HTR7: variants seen among roughly 807,000 people sequenced by gnomAD.
The protein encoded by HTR7 is 5-hydroxytryptamine receptor 7.
In HTR7, 16 loss-of-function variants were observed where a neutral mutation model predicts 34.0. That is an observed-to-expected ratio of 0.47 (90% CI 0.32 to 0.71). The LOEUF is 0.71. Ranked by LOEUF, HTR7 falls within the 30% of genes least tolerant of loss-of-function variation. The pLI, the probability that HTR7 is intolerant of heterozygous loss-of-function variation, is 0.04. For missense variants in HTR7, 504 were observed against 625.5 expected, an observed-to-expected ratio of 0.81 and a Z score of 2.07; for synonymous variants, 265 against 260.2, an observed-to-expected ratio of 1.02 and a Z score of -0.18.
chr10:90,748,917 A>C lies in HTR7; in HGVS notation c.1217T>G (p.Ile406Ser). 1 of 1,614,174 alleles carries C rather than the reference A, an allele frequency of 6.2e-7. No homozygotes were observed. The highest frequency in any genetic ancestry group is 8.5e-7 in the Non-Finnish European group (1 of 1,180,004). ...GCCTGCAGCTGAGAGCTTCCGGTTG[A>C]TATTCCGGTACTGGCACTGGAGCAG... Reference protein sequence around the residue: ...RSLLQCQYRNINRKLSAAGMH... With the variant: ...RSLLQCQYRNSNRKLSAAGMH... The change falls in exon 2 of 4, where the codon ATC becomes AGC. Residue 406 changes from isoleucine to serine, a missense_variant. Transcript: ENST00000336152.
chr10:90,772,150 G>A (rs1845125064), intron 1 of HTR7, among the ~76,000 whole-genome samples: 1 of 151,902 alleles, frequency 6.6e-6, no homozygotes, highest in Non-Finnish European at 1.5e-5. Flanking sequence ...TAAAACCCTA[G>A]GTCATAGCAG....
chr10:90,813,484 T>C (rs1845850634), intron 1 of HTR7, among the ~76,000 whole-genome samples: 1 of 149,928 alleles, frequency 6.7e-6, no homozygotes, highest in Non-Finnish European at 1.5e-5. Flanking sequence ...ATCATGCCAC[T>C]GCACCCCAGC....
chr10:90,838,978 G>C lies in HTR7; in HGVS notation c.539+18155C>G, dbSNP rs577749069. ...AGAATATAAGATCCTAGAGAGCAAA[G>C]GTGTTATTTGCCTTGCTTATGATAA... is the stretch of plus-strand genomic sequence containing the variant. On this transcript the variant is annotated intron_variant, in intron 1 of 3. Transcript: ENST00000336152. 4.6e-4 allele frequency among the ~76,000 whole-genome samples: 70 copies of C among 152,246 alleles called. No individual in the cohort carries two copies. The South Asian group carries it at 6.4e-3, about 14-fold the overall frequency.
intron 1 of HTR7, among the ~76,000 whole-genome samples, chr10:90,771,544 C>A (rs934941942): frequency 2.0e-5 from 3 of 152,218 alleles, no homozygotes; most frequent in Non-Finnish European, 4.4e-5. Context: ...CTGGGTGCCA[C>A]CACATTCCCC....
In HTR7 at chr10:90,806,329, T is replaced by C. The variant is rs1845705980; in HGVS notation, c.539+50804A>G. 2.0e-5 allele frequency among the ~76,000 whole-genome samples: 3 copies of C among 152,320 alleles called. No homozygotes were observed. The South Asian group carries it at 6.2e-4, about 32-fold the overall frequency. ...GTTCCTAAAGGTAGGCTGGGCGCGG[T>C]GGCTCACGCCTGTAATCCCAACACT... On this transcript the variant is annotated intron_variant, in intron 1 of 3. Transcript: ENST00000336152.
chr10:90,848,417 C>T (rs1846446421), intron 1 of HTR7, among the ~76,000 whole-genome samples: 1 of 152,110 alleles, frequency 6.6e-6, no homozygotes, highest in African/African-American at 2.4e-5. Flanking sequence ...TATAATATTA[C>T]CACTTATGTA....
At chr10:90,782,837 T>C (rs558854856) in intron 1 of HTR7, among the ~76,000 whole-genome samples, 3 of 152,334 alleles carry the variant, frequency 2.0e-5, no homozygotes, top group African/African-American at 7.2e-5. Flanking sequence ...TTTTTGTTTG[T>C]TTGCTTCTTT....
intron 1 of HTR7, among the ~76,000 whole-genome samples, chr10:90,800,663 T>G (rs941825872): frequency 6.6e-6 from 1 of 152,188 alleles, no homozygotes; most frequent in African/African-American, 2.4e-5. Context: ...AACATTCACC[T>G]TATCTTACGT....
chr10:90,743,573 T>C lies in HTR7; in HGVS notation c.1393+20A>G. The C allele has an allele frequency of 6.3e-7, 1 of 1,584,836 alleles. No individual in the cohort carries two copies. The highest frequency in any genetic ancestry group is 1.3e-5 in the African/African-American group (1 of 74,420). The stretch of plus-strand genomic sequence containing the variant: ...AGACCACAGCACTATCTCCAAAGTC[T>C]CCCTTTCCTTGCTACCCACCTGCTA... On this transcript the variant is annotated intron_variant, in intron 3 of 3. Transcript: ENST00000336152.
At chr10:90,747,354 T>G (rs1844656547) in intron 2 of HTR7, among the ~76,000 whole-genome samples, 1 of 152,348 alleles carries the variant, frequency 6.6e-6, no homozygotes, top group South Asian at 2.1e-4. Flanking sequence ...CGAACTCTTA[T>G]AGGCATAGTA....
chr10:90,780,520 G>A (rs1349753429), intron 1 of HTR7, among the ~76,000 whole-genome samples: 1 of 142,370 alleles, frequency 7.0e-6, no homozygotes, highest in Non-Finnish European at 1.5e-5. Flanking sequence ...CTGGGCGACA[G>A]AGTGAGACTC....
intron 1 of HTR7, among the ~76,000 whole-genome samples, chr10:90,802,430 G>A (rs1039326300): frequency 8.5e-5 from 13 of 152,262 alleles, no homozygotes; most frequent in Non-Finnish European, 1.5e-4. Context: ...GGAGGATCAC[G>A]GGGATTGCTT....
At chr10:90,750,343 T>C (rs1206750588) in intron 1 of HTR7, among the ~76,000 whole-genome samples, 1 of 152,196 alleles carries the variant, frequency 6.6e-6, no homozygotes, top group Non-Finnish European at 1.5e-5. Context: ...CAACATTTTC[T>C]CTGTGCTTAG....
intron 1 of HTR7, among the ~76,000 whole-genome samples, chr10:90,822,261 T>C (rs1392579481): frequency 6.6e-6 from 1 of 152,208 alleles, no homozygotes; most frequent in African/African-American, 2.4e-5. Context: ...AAGTCCAGGC[T>C]GAAGTCTCAG....
At chr10:90,771,240 G>A (rs961712792) in intron 1 of HTR7, among the ~76,000 whole-genome samples, 1 of 152,142 alleles carries the variant, frequency 6.6e-6, no homozygotes, top group African/African-American at 2.4e-5. Context: ...GTGGGTCTCT[G>A]CTGGTTGTTC....
intron 1 of HTR7, among the ~76,000 whole-genome samples, chr10:90,856,736 T>A (rs1846586244): frequency 6.6e-6 from 1 of 152,142 alleles, no homozygotes; most frequent in South Asian, 2.1e-4. Context: ...GCAAGGTGGC[T>A]TTTCTCCGAC....
At chr10:90,851,237 A>T (rs1846493798) in intron 1 of HTR7, among the ~76,000 whole-genome samples, 1 of 152,234 alleles carries the variant, frequency 6.6e-6, no homozygotes, top group African/African-American at 2.4e-5. Flanking sequence ...TCAGAAGACA[A>T]TGGAACAATG....
At chr10:90,780,390 A>G (rs1327663035) in intron 1 of HTR7, among the ~76,000 whole-genome samples, 1 of 152,052 alleles carries the variant, frequency 6.6e-6, no homozygotes, top group Non-Finnish European at 1.5e-5. Flanking sequence ...GCGTAAAATT[A>G]TCTGGGCGTG....
At chr10:90,832,817 A>G (rs1360679976) in intron 1 of HTR7, among the ~76,000 whole-genome samples, 1 of 152,174 alleles carries the variant, frequency 6.6e-6, no homozygotes, top group Admixed American at 6.5e-5. Flanking sequence ...AGGACAAAAC[A>G]TGGTCCAGAA....
Sources: allele counts gnomAD v4.1 joint callset (sites outside exome capture counted in the v4.1 genomes callset), GRCh38; gene constraint gnomAD v4.1.1; transcripts MANE v1.5; gene names NCBI Gene and HGNC (gene_info 2026-07-23, HGNC 2026-07-21).